RASA3: variants seen among roughly 807,000 people sequenced by gnomAD.
The protein encoded by RASA3 is ras GTPase-activating protein 3.
Under a neutral mutation model 110.0 loss-of-function variants are expected in RASA3, and 73 were observed. The ratio of observed to expected loss-of-function variants is 0.66; its 90% CI spans 0.55 to 0.81. The LOEUF is 0.81. Ranked by LOEUF, RASA3 falls within the 30% of genes least tolerant of loss-of-function variation. The pLI, the probability that RASA3 is intolerant of heterozygous loss-of-function variation, is 0.00. For synonymous variants in RASA3, 500 were observed against 451.4 expected (o/e 1.11, Z -1.37); for missense variants, 976 against 1,113.2 (o/e 0.88, Z 1.75).
chr13:114,042,561 G>A (rs1053986555), intron 3 of RASA3, among the ~76,000 whole-genome samples: 54 of 152,216 alleles, frequency 3.5e-4, no homozygotes, highest in Admixed American at 2.7e-3. Flanking sequence ...TCACCGCAGC[G>A]TCCGCAGCCA....
chr13:114,117,046 CG>C (rs2080290514), intron 1 of RASA3, among the ~76,000 whole-genome samples: 1 of 99,604 alleles, frequency 1.0e-5, no homozygotes, highest in South Asian at 3.7e-4. Flanking sequence ...GAGGGGTGCA[CG>C]TGTGTGAGGG....
chr13:114,068,340 G>A (rs554264452), intron 2 of RASA3, among the ~76,000 whole-genome samples: 2 of 152,376 alleles, frequency 1.3e-5, no homozygotes, highest in South Asian at 4.1e-4. Flanking sequence ...CTGTCTGCGT[G>A]GATGAGGGTT....
At chr13:113,990,262 G>A (rs2053076674) in intron 22 of RASA3, among the ~76,000 whole-genome samples, 1 of 152,116 alleles carries the variant, frequency 6.6e-6, no homozygotes, top group Admixed American at 6.5e-5. Context: ...TATGGGGATG[G>A]TGAGGTTGGG....
chr13:114,071,457 C>A (rs781295369), intron 2 of RASA3, among the ~76,000 whole-genome samples: 1 of 152,146 alleles, frequency 6.6e-6, no homozygotes, highest in Non-Finnish European at 1.5e-5. Flanking sequence ...TTCTCCAGGC[C>A]CACAATCCAT....
At chr13:114,083,341 C>T (rs2079811532) in intron 1 of RASA3, among the ~76,000 whole-genome samples, 1 of 152,236 alleles carries the variant, frequency 6.6e-6, no homozygotes, top group Non-Finnish European at 1.5e-5. Context: ...GTGGCCCATC[C>T]TGATTTCTGT....
chr13:114,058,099 G>A (rs1352495242), intron 2 of RASA3, among the ~76,000 whole-genome samples: 1 of 152,130 alleles, frequency 6.6e-6, no homozygotes, highest in Non-Finnish European at 1.5e-5. Flanking sequence ...TGAAGCCCCT[G>A]CCTGACCACT....
chr13:114,124,713 G>T (rs374002962), intron 1 of RASA3, among the ~76,000 whole-genome samples: 1 of 152,248 alleles, frequency 6.6e-6, no homozygotes, highest in Admixed American at 6.5e-5. Context: ...CGCCCGCTGC[G>T]GCCTGACGGA....
At chr13:113,980,819 T>C (rs1442322573) in intron 23 of RASA3, among the ~76,000 whole-genome samples, 2 of 151,558 alleles carry the variant, frequency 1.3e-5, no homozygotes, top group African/African-American at 4.9e-5. Flanking sequence ...CAGACCCGCA[T>C]GGTGGAAGGA....
intron 14 of RASA3, among the ~76,000 whole-genome samples, chr13:114,013,910 G>C (rs9562172): frequency 0.02 from 1,243 of 60,914 alleles, 71 homozygotes; most frequent in Non-Finnish European, 0.018. Context: ...CTCTTTCTCT[G>C]TCTCTCTCTC....
At chr13:114,119,137 A>C (rs2139783287) in intron 1 of RASA3, among the ~76,000 whole-genome samples, 1 of 152,104 alleles carries the variant, frequency 6.6e-6, no homozygotes, top group Middle Eastern at 3.4e-3. Flanking sequence ...GGCTTCCCTA[A>C]AGAAAACACA....
intron 1 of RASA3, among the ~76,000 whole-genome samples, chr13:114,102,435 G>T (rs993509709): frequency 6.6e-6 from 1 of 152,076 alleles, no homozygotes; most frequent in Non-Finnish European, 1.5e-5. Flanking sequence ...GAGTGAGAGC[G>T]CTTCCCACAA....
intron 1 of RASA3, among the ~76,000 whole-genome samples, chr13:114,098,296 G>C (rs193062338): frequency 6.6e-6 from 1 of 152,184 alleles, no homozygotes; most frequent in Non-Finnish European, 1.5e-5. Context: ...GAGCTGAGAG[G>C]ACAGAGAACA....
At chr13:114,091,242 C>T (rs1174004650) in intron 1 of RASA3, among the ~76,000 whole-genome samples, 2 of 152,010 alleles carry the variant, frequency 1.3e-5, no homozygotes, top group African/African-American at 4.8e-5. Flanking sequence ...TCATGTCCCA[C>T]ATTTCAGTGG....
chr13:114,057,382 G>C lies in RASA3; in HGVS notation c.174-5227C>G, dbSNP rs2079263752. 1.0e-6 allele frequency: 1 copy of C among 985,260 alleles called. No individual in the cohort carries two copies. The highest frequency in any genetic ancestry group is 1.7e-5 in the African/African-American group (1 of 57,224). The allele number at this position is 985,260 out of a possible 1,614,324, so 61.0% of individuals were successfully genotyped here. A position where few individuals can be genotyped will look rare whatever the true frequency, so the allele number is the denominator to read the frequency against. On this transcript the variant is annotated intron_variant, in intron 2 of 23. Coordinates refer to ENST00000334062, the MANE Select transcript of RASA3 (RefSeq NM_007368.4). The surrounding 1 kb of genome is among the most constrained non-coding windows in gnomAD (Gnocchi z 5.0). ...GCTGGACGAGCAGAAGGCATTGCAGGGCAGTGGGGTCCGGAGAGGCGGCCG... is the reference window on the plus strand; with the variant it reads ...GCTGGACGAGCAGAAGGCATTGCAGCGCAGTGGGGTCCGGAGAGGCGGCCG...
At chr13:114,030,574 T>G (rs1362919155) in intron 4 of RASA3, among the ~76,000 whole-genome samples, 4 of 151,642 alleles carry the variant, frequency 2.6e-5, no homozygotes, top group Admixed American at 2.0e-4. Context: ...TCACGGGGGC[T>G]TCTAGCAGAG....
intron 1 of RASA3, among the ~76,000 whole-genome samples, chr13:114,083,466 C>G (rs994568020): frequency 2.0e-5 from 3 of 152,272 alleles, no homozygotes; most frequent in Non-Finnish European, 2.9e-5. Flanking sequence ...AGCCAGACAG[C>G]CTGGAGCCCA....
Position 114,045,634 on chromosome 13 carries a change from A to G in RASA3, c.278-4540T>C, listed in dbSNP as rs920535101. ...AGCCTTTATTCATAGAATGTACAAA[A>G]AAAAATCTACAGGCAAAGCTAATAG... On this transcript the variant is annotated intron_variant, in intron 3 of 23. Coordinates refer to ENST00000334062, the MANE Select transcript of RASA3 (RefSeq NM_007368.4). 2.0e-5 allele frequency among the ~76,000 whole-genome samples: 3 copies of G among 152,256 alleles called. No individual in the cohort carries two copies. The East Asian group carries it at 5.8e-4, about 29-fold the overall frequency.
intron 2 of RASA3, among the ~76,000 whole-genome samples, chr13:114,069,004 G>A (rs770237417): frequency 6.6e-6 from 1 of 152,202 alleles, no homozygotes; most frequent in African/African-American, 2.4e-5. Context: ...CTCAGCACTC[G>A]ATAAAGAGGC....
rs116640296 is a variant in RASA3 at position 113,981,370 on chromosome 13, C to T, written c.2429+305G>A. ...GCAGAACAAGACCTGGGCCTAGAGA[C>T]TGCCAGAGCACGTGACACCAGTATA... On this transcript the variant is annotated intron_variant, in intron 23 of 23. Coordinates refer to ENST00000334062, the MANE Select transcript of RASA3 (RefSeq NM_007368.4). Among the ~76,000 whole-genome samples the T allele has an allele frequency of 8.6e-3, 1,303 of 152,348 alleles. 23 individuals carry two copies. The highest frequency in any genetic ancestry group is 0.029 in the African/African-American group (1,226 of 41,576).
Sources: allele counts gnomAD v4.1 joint callset (sites outside exome capture counted in the v4.1 genomes callset), GRCh38; gene constraint gnomAD v4.1.1; non-coding constraint Gnocchi (gnomAD v3.1); transcripts MANE v1.5; gene names NCBI Gene and HGNC (gene_info 2026-07-23, HGNC 2026-07-21).